Variants in EYS observed in about 807,000 individuals in gnomAD.
EYS encodes protein eyes shut homolog.
A neutral mutation model predicts 282.1 loss-of-function variants in EYS; 250 were observed. The ratio of observed to expected loss-of-function variants is 0.89; its 90% CI spans 0.80 to 0.98. EYS has a LOEUF of 0.98. Ranked by LOEUF, EYS falls within the 50% of genes least tolerant of loss-of-function variation. EYS has a pLI of 0.00. For missense variants in EYS, 4,016 were observed against 3,709.0 expected, an observed-to-expected ratio of 1.08 and a Z score of -2.15; for synonymous variants, 1,355 against 1,282.9, an observed-to-expected ratio of 1.06 and a Z score of -1.20.
At chr6:65,311,935 G>A (rs1176217372) in intron 11 of EYS, among the ~76,000 whole-genome samples, 1 of 152,234 alleles carries the variant, frequency 6.6e-6, no homozygotes, top group African/African-American at 2.4e-5. Flanking sequence ...TAGGGGTACC[G>A]TTTTGCTAAA....
intron 8 of EYS, among the ~76,000 whole-genome samples, chr6:65,377,659 TCAAA>T (rs1360818031): frequency 1.3e-5 from 2 of 149,404 alleles, no homozygotes; most frequent in Admixed American, 6.7e-5. Flanking sequence ...GAGAGAAAAA[TCAAA>T]CAGACACAAT....
chr6:64,640,608 T>A (rs576068545), intron 22 of EYS, among the ~76,000 whole-genome samples: 32 of 151,914 alleles, frequency 2.1e-4, no homozygotes, highest in African/African-American at 7.5e-4. Context: ...TTAGGATATA[T>A]ACCTGATGCT....
intron 2 of EYS, among the ~76,000 whole-genome samples, chr6:65,540,744 C>A (rs1295805476): frequency 6.6e-6 from 1 of 152,014 alleles, no homozygotes; most frequent in African/African-American, 2.4e-5. Context: ...CATGGTGAAA[C>A]CCCGTCTCTA....
chr6:64,031,859 G>T (rs756115391), intron 33 of EYS, among the ~76,000 whole-genome samples: 4 of 152,148 alleles, frequency 2.6e-5, no homozygotes, highest in Non-Finnish European at 2.9e-5. Context: ...CTACCAATCA[G>T]CAGGATGTGG....
intron 11 of EYS, among the ~76,000 whole-genome samples, chr6:65,318,933 C>T (rs553121914): frequency 3.3e-5 from 5 of 151,378 alleles, no homozygotes; most frequent in South Asian, 4.2e-4. Flanking sequence ...TGAGCCACTG[C>T]GCCCAGGCTG....
chr6:64,864,227 T>C (rs1335749734), intron 19 of EYS, among the ~76,000 whole-genome samples: 2 of 151,934 alleles, frequency 1.3e-5, no homozygotes, highest in South Asian at 2.1e-4. Context: ...AAGGATATGT[T>C]TTTGTGACCT....
rs1038079356 is a variant in EYS, at chr6:65,440,391, T to A, written c.863-35024A>T. ...ACAACCTTCAATAAAAAAAAAAAAA[T>A]TAAAACCCCAAAAACAAAACCAAAA... On this transcript the variant is annotated intron_variant, in intron 5 of 42. Transcript: ENST00000503581. Among the ~76,000 whole-genome samples the A allele has an allele frequency of 2.0e-5, 3 of 146,924 alleles. No homozygotes were observed. The Admixed American group carries it at 2.1e-4, about 10-fold the overall frequency.
intron 15 of EYS, among the ~76,000 whole-genome samples, chr6:64,927,788 A>C (rs2150085275): frequency 6.6e-6 from 1 of 152,236 alleles, no homozygotes; most frequent in South Asian, 2.1e-4. Flanking sequence ...AGTCAAATTA[A>C]AAGTTTCTAT....
At chr6:65,544,237 G>A (rs540169847) in intron 2 of EYS, among the ~76,000 whole-genome samples, 17 of 152,258 alleles carry the variant, frequency 1.1e-4, no homozygotes, top group South Asian at 4.1e-4. Flanking sequence ...ATGAGAACAC[G>A]TGAAGTTCTT....
intron 1 of EYS, among the ~76,000 whole-genome samples, chr6:65,651,735 C>G (rs1218316089): frequency 6.6e-6 from 1 of 151,970 alleles, no homozygotes; most frequent in East Asian, 1.9e-4. Flanking sequence ...CTATCCAGTT[C>G]TCTCTTTTTC....
intron 26 of EYS, among the ~76,000 whole-genome samples, chr6:64,491,842 C>T (rs1776750427): frequency 6.6e-6 from 1 of 151,044 alleles, no homozygotes; most frequent in Non-Finnish European, 1.5e-5. Context: ...CTGTTAATGT[C>T]ATAATGCAAG....
At chr6:64,184,424 G>A (rs1764874856) in intron 31 of EYS, among the ~76,000 whole-genome samples, 1 of 152,052 alleles carries the variant, frequency 6.6e-6, no homozygotes, top group Non-Finnish European at 1.5e-5. Flanking sequence ...CATCCATTGA[G>A]GTTAGCAAAA....
chr6:64,569,601 C>T (rs1001715210), intron 26 of EYS, among the ~76,000 whole-genome samples: 10 of 151,900 alleles, frequency 6.6e-5, no homozygotes, highest in Admixed American at 3.9e-4. Flanking sequence ...ATTAGCCAGG[C>T]GTGGTGGTGG....
chr6:64,758,340 A>G (rs1050162353), intron 22 of EYS, among the ~76,000 whole-genome samples: 1 of 152,344 alleles, frequency 6.6e-6, no homozygotes, highest in Admixed American at 6.5e-5. Flanking sequence ...AAATGACAAC[A>G]TCAAAATATA....
At chr6:65,124,427 A>T (rs1049890214) in intron 12 of EYS, among the ~76,000 whole-genome samples, 16 of 152,326 alleles carry the variant, frequency 1.1e-4, no homozygotes, top group African/African-American at 3.8e-4. Context: ...GATAATGTAC[A>T]TGCTTAATTT....
intron 2 of EYS, among the ~76,000 whole-genome samples, chr6:65,579,656 GA>G (rs1764802747): frequency 6.6e-6 from 1 of 152,058 alleles, no homozygotes; most frequent in Non-Finnish European, 1.5e-5. Flanking sequence ...CAGAGACACA[GA>G]AATCTGTCTC....
chr6:63,841,944 CT>C (rs1259842380), intron 36 of EYS, among the ~76,000 whole-genome samples: 9 of 152,102 alleles, frequency 5.9e-5, no homozygotes, highest in East Asian at 1.9e-4. Context: ...TGAACTCATT[CT>C]TTTTTTATGG....
intron 14 of EYS, among the ~76,000 whole-genome samples, chr6:64,956,594 A>G (rs1769708266): frequency 6.6e-6 from 1 of 150,738 alleles, no homozygotes; most frequent in East Asian, 1.9e-4. Context: ...CATCACATCA[A>G]GTTAAAAAGC....
chr6:65,410,023 A>G (rs189550047), intron 5 of EYS, among the ~76,000 whole-genome samples: 1 of 152,216 alleles, frequency 6.6e-6, no homozygotes, highest in East Asian at 1.9e-4. Context: ...ATGTTATGAT[A>G]CATTAACATA....
Sources: gnomAD v4.1 joint callset for allele counts (sites outside exome capture counted in the v4.1 genomes callset) on GRCh38, gnomAD v4.1.1 for gene constraint, MANE v1.5 for transcripts, NCBI Gene and HGNC (gene_info 2026-07-23, HGNC 2026-07-21) for gene names.